The following SYNPO variants were observed in gnomAD, a reference collection of about 807,000 sequenced individuals.
The protein encoded by SYNPO is synaptopodin.
A neutral mutation model predicts 49.5 loss-of-function variants in SYNPO; 19 were observed. That is an observed-to-expected ratio of 0.38 (90% confidence interval 0.27 to 0.56). SYNPO has a LOEUF of 0.56. SYNPO is among the 20% of genes least tolerant of loss of function. The pLI is 0.68. For missense variants in SYNPO, 1,131 were observed against 1,248.3 expected (o/e 0.91, Z 1.42); for synonymous variants, 536 against 548.0 (o/e 0.98, Z 0.31).
intron 1 of SYNPO, among the ~76,000 whole-genome samples, chr5:150,611,553 C>T (rs1002776014): frequency 6.6e-6 from 1 of 152,314 alleles, no homozygotes; most frequent in South Asian, 2.1e-4. Context: ...GGGGCTCCCC[C>T]CAGCTCCACC....
At chr5:150,633,561 G>C (rs751283514) in intron 2 of SYNPO, among the ~76,000 whole-genome samples, 3 of 152,190 alleles carry the variant, frequency 2.0e-5, no homozygotes, top group Non-Finnish European at 4.4e-5. Context: ...TACACTGGGG[G>C]CTGGGAGTCA....
chr5:150,605,099 A>AATGG (rs1185360665), intron 1 of SYNPO, among the ~76,000 whole-genome samples: 1 of 152,158 alleles, frequency 6.6e-6, no homozygotes, highest in Non-Finnish European at 1.5e-5. Flanking sequence ...GTGCTCAATG[A>AATGG]ACACTCCTCT....
At chr5:150,624,571 T>C (rs1581473479) in intron 2 of SYNPO, 1 of 112,632 alleles carries the variant, frequency 8.9e-6, no homozygotes, top group Non-Finnish European at 1.8e-5. Context: ...CGCCTGGAGA[T>C]GGGAGGCTGA....
At chr5:150,640,173 T>C, upstream of SYNPO, 1 of 985,346 alleles carries the variant, frequency 1.0e-6, no homozygotes, top group Non-Finnish European at 1.2e-6. Context: ...CTAGAATAAA[T>C]AATACACAAG....
intron 2 of SYNPO, among the ~76,000 whole-genome samples, chr5:150,621,580 G>A (rs185851329): frequency 7.6e-4 from 116 of 152,260 alleles, no homozygotes; most frequent in African/African-American, 2.2e-3. Context: ...TGCCATTACC[G>A]CCGAAGGATT....
intron 1 of SYNPO, among the ~76,000 whole-genome samples, chr5:150,605,759 TAC>T (rs34727103): frequency 0.12 from 16,479 of 141,732 alleles, 1,986 homozygotes; most frequent in African/African-American, 0.28. Flanking sequence ...CACACACACA[TAC>T]ACACACACAC....
intron 2 of SYNPO, among the ~76,000 whole-genome samples, chr5:150,633,836 C>T (rs1021409315): frequency 2.0e-5 from 3 of 152,162 alleles, no homozygotes; most frequent in African/African-American, 7.2e-5. Flanking sequence ...ATATAATTAT[C>T]ATAGGCTGTG....
chr5:150,612,233 C>T (rs1451222439), intron 1 of SYNPO, among the ~76,000 whole-genome samples: 1 of 152,210 alleles, frequency 6.6e-6, no homozygotes, highest in Non-Finnish European at 1.5e-5. Flanking sequence ...ATCTGGTGGG[C>T]AGGTGCACCT....
the SYNPO span, among the ~76,000 whole-genome samples, chr5:150,588,650 G>C: frequency 6.6e-6 from 1 of 152,040 alleles, no homozygotes; most frequent in African/African-American, 2.4e-5. Flanking sequence ...CAGAGGTTAG[G>C]GGTGGGGTGC....
chr5:150,609,786 C>CGG (rs71589719), intron 1 of SYNPO, among the ~76,000 whole-genome samples: 9,695 of 105,074 alleles, frequency 0.092, 770 homozygotes, highest in Admixed American at 0.23. Context: ...GTGAATGTGG[C>CGG]GGGGGGGGGC....
upstream of SYNPO, among the ~76,000 whole-genome samples, chr5:150,597,515 G>A (rs996909128): frequency 2.0e-5 from 3 of 152,016 alleles, no homozygotes; most frequent in Non-Finnish European, 4.4e-5. Flanking sequence ...TATATTTTTA[G>A]TAGAGACAAG....
chr5:150,656,315 T>G, intron 2 of SYNPO, 89 bp from the exon 3 acceptor site: 1 of 1,118,032 alleles, frequency 8.9e-7, no homozygotes, highest in Non-Finnish European at 1.2e-6. Flanking sequence ...CTCGGTGTAA[T>G]GGACAAATCG....
exon 2 of SYNPO, chr5:150,618,348 C>T (rs1411013858): frequency 9.1e-6 from 14 of 1,532,314 alleles, no homozygotes; most frequent in Admixed American, 4.1e-5. Flanking sequence ...TTCCCTGCAT[C>T]GCTGAGGAAG....
Position 150,658,121 on chromosome 5 carries a change from G to T in SYNPO, c.*1034G>T, listed in dbSNP as rs1345414729. The T allele has an allele frequency of 6.6e-6, 1 of 152,318 alleles. No individual in the cohort carries two copies. The highest frequency in any genetic ancestry group is 1.5e-5 in the Non-Finnish European group (1 of 68,050). The allele number at this position is 152,318 out of a possible 1,614,324, so 9.4% of individuals were successfully genotyped here. A position where few individuals can be genotyped will look rare whatever the true frequency, so the allele number is the denominator to read the frequency against. On this transcript the variant is annotated 3_prime_UTR_variant, in exon 3 of 3. Coordinates refer to ENST00000307662, the MANE Select transcript of SYNPO (RefSeq NM_007286.6). ...AAGCATGGCCAGGATGCATAGAGGAGATTCTAGCAGGGGACAGGATTGGCT... is the reference window on the plus strand; with the variant it reads ...AAGCATGGCCAGGATGCATAGAGGATATTCTAGCAGGGGACAGGATTGGCT...
intron 2 of SYNPO, chr5:150,652,082 CA>C: frequency 1.0e-6 from 1 of 1,000,170 alleles, no homozygotes; most frequent in Non-Finnish European, 1.2e-6. Context: ...TCCATGGGAA[CA>C]GGGGTGCCTT....
At chr5:150,607,236 A>G (rs1462112993) in intron 1 of SYNPO, among the ~76,000 whole-genome samples, 1 of 152,188 alleles carries the variant, frequency 6.6e-6, no homozygotes, top group East Asian at 1.9e-4. Context: ...TTTGTGGGCC[A>G]TAAGCGTAAT....
intron 2 of SYNPO, among the ~76,000 whole-genome samples, chr5:150,619,415 A>C (rs1757081239): frequency 6.6e-6 from 1 of 152,188 alleles, no homozygotes; most frequent in African/African-American, 2.4e-5. Context: ...GGCAGATAGA[A>C]CACCACCTAG....
chr5:150,647,516 G>A (rs1333391486), intron 1 of SYNPO, among the ~76,000 whole-genome samples: 1 of 152,180 alleles, frequency 6.6e-6, no homozygotes, highest in African/African-American at 2.4e-5. Flanking sequence ...AAGGCCCTGG[G>A]GCAGGAACAT....
intron 2 of SYNPO, chr5:150,651,558 ATGAGCTGC>A: frequency 1.0e-6 from 1 of 1,002,138 alleles, no homozygotes; most frequent in Non-Finnish European, 1.2e-6. Flanking sequence ...AAGGGTTGGA[ATGAGCTGC>A]TGCAGGAGGC....
Sources: gnomAD v4.1 joint callset for allele counts (sites outside exome capture counted in the v4.1 genomes callset) on GRCh38, gnomAD v4.1.1 for gene constraint, MANE v1.5 for transcripts, NCBI Gene and HGNC (gene_info 2026-07-23, HGNC 2026-07-21) for gene names.